WDPCP: variants seen among roughly 807,000 people sequenced by gnomAD.
The protein encoded by WDPCP is WD repeat-containing and planar cell polarity effector protein fritz homolog.
A neutral mutation model predicts 93.1 loss-of-function variants in WDPCP; 71 were observed. The observed-to-expected ratio is 0.76, with a 90% CI of 0.63 to 0.93. WDPCP has a LOEUF of 0.93. Among genes scored for constraint, WDPCP ranks in the 40% least tolerant of loss-of-function variants. WDPCP has a pLI of 0.00. For missense variants in WDPCP, 844 were observed against 887.4 expected, an observed-to-expected ratio of 0.95 and a Z score of 0.62; for synonymous variants, 315 against 315.0, an observed-to-expected ratio of 1.00 and a Z score of 0.00.
intron 14 of WDPCP, among the ~76,000 whole-genome samples, chr2:63,235,211 A>G (rs1178329420): frequency 2.0e-5 from 3 of 152,174 alleles, no homozygotes; most frequent in African/African-American, 7.2e-5. Context: ...AACTGATACA[A>G]ACACCTCAAT....
intron 2 of WDPCP, among the ~76,000 whole-genome samples, chr2:63,784,618 G>A (rs1163716879): frequency 6.6e-6 from 1 of 151,512 alleles, no homozygotes; most frequent in Non-Finnish European, 1.5e-5. Context: ...GAAACTTCTA[G>A]AGGGAAATTC....
intron 2 of WDPCP, among the ~76,000 whole-genome samples, chr2:63,773,931 A>AT (rs1245102862): frequency 7.2e-5 from 11 of 152,046 alleles, no homozygotes; most frequent in Non-Finnish European, 1.6e-4. Flanking sequence ...AAAAAATAAG[A>AT]TTTTTTAAAA....
chr2:63,495,035 T>C (rs568476420), intron 1 of WDPCP, among the ~76,000 whole-genome samples: 1 of 152,006 alleles, frequency 6.6e-6, no homozygotes, highest in African/African-American at 2.4e-5. Context: ...GCTACAATAG[T>C]AAATTTTGGG....
chr2:63,336,343 C>T (rs1688363280), intron 12 of WDPCP, among the ~76,000 whole-genome samples: 1 of 152,092 alleles, frequency 6.6e-6, no homozygotes, highest in Admixed American at 6.6e-5. Flanking sequence ...AATTTAGGTG[C>T]TATTTCTTTC....
chr2:63,560,948 T>C (rs1706564072), intron 1 of WDPCP, among the ~76,000 whole-genome samples: 2 of 152,190 alleles, frequency 1.3e-5, no homozygotes, highest in South Asian at 2.1e-4. Context: ...AACCTGCACG[T>C]TGTGCACATG....
the WDPCP span, among the ~76,000 whole-genome samples, chr2:63,835,536 C>T: frequency 4.6e-5 from 7 of 151,696 alleles, no homozygotes; most frequent in South Asian, 1.0e-3. Flanking sequence ...CTCCAGAAAC[C>T]GAAGGGAGAA....
At chr2:63,315,475 A>G (rs1337432795) in intron 12 of WDPCP, among the ~76,000 whole-genome samples, 3 of 152,220 alleles carry the variant, frequency 2.0e-5, no homozygotes, top group Admixed American at 6.5e-5. Context: ...AACATAAATT[A>G]AAATCAAACA....
intron 10 of WDPCP, among the ~76,000 whole-genome samples, chr2:63,388,566 G>A (rs1692942077): frequency 1.3e-5 from 2 of 152,200 alleles, no homozygotes; most frequent in South Asian, 2.1e-4. Flanking sequence ...GTTGACAGAA[G>A]TAGGCTTCAG....
At chr2:63,213,476 G>A (rs1026511580) in intron 14 of WDPCP, among the ~76,000 whole-genome samples, 1 of 152,180 alleles carries the variant, frequency 6.6e-6, no homozygotes, top group African/African-American at 2.4e-5. Context: ...TTAAAGCAGT[G>A]TGGAGAGGGA....
chr2:63,550,804 T>C lies in WDPCP; in HGVS notation c.75+37393A>G, dbSNP rs77468680. On this transcript the variant is annotated intron_variant, in intron 1 of 17. Coordinates refer to ENST00000272321, the MANE Select transcript of WDPCP (RefSeq NM_015910.7). ...GTACATATATATGTATATATATATA[T>C]ACACACCCATAGAAAGGCAAGCTGT... Among the ~76,000 whole-genome samples the C allele has an allele frequency of 2.5e-4, 32 of 130,426 alleles. No homozygotes were observed. The East Asian group carries it at 5.2e-3, about 21-fold the overall frequency. 85.6% of individuals were successfully genotyped at this position (130,426 alleles called of 152,430 possible).
chr2:63,452,538 A>G (rs900550069), intron 6 of WDPCP, among the ~76,000 whole-genome samples: 2 of 152,226 alleles, frequency 1.3e-5, no homozygotes, highest in Non-Finnish European at 2.9e-5. Flanking sequence ...TATAGATTCA[A>G]TGCCATCCCC....
intron 17 of WDPCP, among the ~76,000 whole-genome samples, chr2:63,133,002 T>C (rs1437129222): frequency 6.6e-6 from 1 of 152,226 alleles, no homozygotes; most frequent in Non-Finnish European, 1.5e-5. Flanking sequence ...CCATTCTCTG[T>C]AGACTGGCTC....
chr2:63,308,175 C>G (rs1685893232), intron 13 of WDPCP, among the ~76,000 whole-genome samples: 1 of 152,162 alleles, frequency 6.6e-6, no homozygotes, highest in Admixed American at 6.5e-5. Flanking sequence ...TAGAGAAATG[C>G]AAATCAGACC....
At position 63,626,311 on chromosome 2, in the gene WDPCP, C is replaced by T. The variant is rs575626700; in HGVS notation, n.488+24348G>A. Among the ~76,000 whole-genome samples the T allele has an allele frequency of 8.5e-5, 13 of 152,180 alleles. 1 individual carries two copies. Among genetic ancestry groups the T allele is most frequent in the South Asian group, 4.2e-4 (2 of 4,812 alleles). On this transcript the variant is annotated intron_variant and non_coding_transcript_variant, in intron 3 of 4. Coordinates refer to the WDPCP transcript ENST00000467687. The stretch of plus-strand genomic sequence containing the variant: ...TTCATGACCAAAATACCAAAAGCAA[C>T]GGCAACAAAAGCTAAAATTGACAAA...
intron 14 of WDPCP, among the ~76,000 whole-genome samples, chr2:63,250,587 A>G (rs1680631860): frequency 6.6e-6 from 1 of 152,192 alleles, no homozygotes; most frequent in Non-Finnish European, 1.5e-5. Context: ...CAATTAAGCT[A>G]TAAGTTTCCC....
chr2:63,133,305 C>A (rs1320361471), intron 17 of WDPCP, among the ~76,000 whole-genome samples: 13 of 152,192 alleles, frequency 8.5e-5, no homozygotes. Flanking sequence ...TGCTTCTCCT[C>A]ATCTGAGATT....
At chr2:63,326,610 CAGAG>C (rs1195549244) in intron 12 of WDPCP, among the ~76,000 whole-genome samples, 2 of 150,380 alleles carry the variant, frequency 1.3e-5, no homozygotes, top group Non-Finnish European at 1.5e-5. Context: ...GAGAAAGAGA[CAGAG>C]AGAGGAAGAG....
intron 1 of WDPCP, among the ~76,000 whole-genome samples, chr2:63,583,477 A>G (rs371410811): frequency 5.9e-5 from 9 of 152,190 alleles, no homozygotes; most frequent in African/African-American, 1.7e-4. Flanking sequence ...AAGTCAAGAG[A>G]TCGAGATCAT....
At chr2:63,177,258 T>A (rs1673878662) in intron 14 of WDPCP, among the ~76,000 whole-genome samples, 1 of 152,214 alleles carries the variant, frequency 6.6e-6, no homozygotes. Context: ...AATTTTTAAA[T>A]GGATTTTTCT....
Sources: gnomAD v4.1 joint callset for allele counts (sites outside exome capture counted in the v4.1 genomes callset) on GRCh38, gnomAD v4.1.1 for gene constraint, MANE v1.5 for transcripts, NCBI Gene and HGNC (gene_info 2026-07-23, HGNC 2026-07-21) for gene names.